NKAIN2: variants seen among roughly 807,000 people sequenced by gnomAD.
The protein encoded by NKAIN2 is sodium/potassium transporting ATPase interacting 2, also known as sodium/potassium-transporting ATPase subunit beta-1-interacting protein 2.
In NKAIN2, 14 loss-of-function variants were observed where a neutral mutation model predicts 32.6. The ratio of observed to expected loss-of-function variants is 0.43; its 90% CI spans 0.28 to 0.67. The LOEUF (loss-of-function observed/expected upper bound fraction) is 0.67, where lower values mean the gene tolerates loss of function less well. NKAIN2 is among the 30% of genes least tolerant of loss of function. The pLI, the probability that NKAIN2 is intolerant of heterozygous loss-of-function variation, is 0.17. For missense variants in NKAIN2, 198 were observed against 258.3 expected (o/e 0.77, Z 1.60); for synonymous variants, 80 against 87.2 (o/e 0.92, Z 0.46).
chr6:124,763,869 C>G (rs1013304182), intron 4 of NKAIN2, among the ~76,000 whole-genome samples: 2 of 152,120 alleles, frequency 1.3e-5, no homozygotes, highest in African/African-American at 4.8e-5. Flanking sequence ...TAACAGTAGT[C>G]TGTATTATAA....
intron 1 of NKAIN2, among the ~76,000 whole-genome samples, chr6:124,065,328 C>T (rs1027231686): frequency 1.2e-4 from 18 of 152,200 alleles, no homozygotes; most frequent in Middle Eastern, 6.8e-3. Flanking sequence ...GTGACATGCA[C>T]GCACTGCAGT....
intron 1 of NKAIN2, among the ~76,000 whole-genome samples, chr6:123,902,798 A>G (rs73551378): frequency 0.022 from 3,363 of 152,328 alleles, 123 homozygotes; most frequent in African/African-American, 0.076. Flanking sequence ...GATAAACAAA[A>G]CCAACTCATC....
intron 4 of NKAIN2, among the ~76,000 whole-genome samples, chr6:124,771,875 T>G (rs1264081162): frequency 2.0e-5 from 3 of 152,138 alleles, no homozygotes; most frequent in Non-Finnish European, 4.4e-5. Flanking sequence ...TTCTCCTTCA[T>G]GCAACAGCAG....
intron 1 of NKAIN2, among the ~76,000 whole-genome samples, chr6:123,930,160 C>G (rs1366509708): frequency 6.6e-6 from 1 of 152,008 alleles, no homozygotes; most frequent in Non-Finnish European, 1.5e-5. Flanking sequence ...AAATCATTCC[C>G]AAGTACCAGC....
intron 3 of NKAIN2, among the ~76,000 whole-genome samples, chr6:124,508,637 C>T (rs1179927762): frequency 1.3e-5 from 2 of 152,138 alleles, no homozygotes; most frequent in African/African-American, 4.8e-5. Context: ...GCCACCACGC[C>T]TGGCCATGAG....
intron 1 of NKAIN2, among the ~76,000 whole-genome samples, chr6:123,994,586 G>T (rs1779542200): frequency 6.6e-6 from 1 of 152,096 alleles, no homozygotes; most frequent in African/African-American, 2.4e-5. Context: ...TAATCTAGTA[G>T]TTACAGTAAC....
intron 3 of NKAIN2, among the ~76,000 whole-genome samples, chr6:124,606,517 T>C (rs1336070233): frequency 6.6e-6 from 1 of 152,076 alleles, no homozygotes; most frequent in African/African-American, 2.4e-5. Flanking sequence ...CATCACAACA[T>C]TTATCTGCAA....
At chr6:124,742,034 A>G (rs1777235995) in intron 4 of NKAIN2, among the ~76,000 whole-genome samples, 1 of 151,932 alleles carries the variant, frequency 6.6e-6, no homozygotes, top group African/African-American at 2.4e-5. Context: ...TACTGCCTCC[A>G]TCAACTCTAT....
chr6:123,936,127 A>G (rs576004775), intron 1 of NKAIN2, among the ~76,000 whole-genome samples: 1 of 152,296 alleles, frequency 6.6e-6, no homozygotes, highest in Admixed American at 6.5e-5. Flanking sequence ...AGCTCAATAC[A>G]GTGTCTCTTC....
intron 1 of NKAIN2, among the ~76,000 whole-genome samples, chr6:123,938,809 G>A (rs569491997): frequency 3.3e-5 from 5 of 151,270 alleles, no homozygotes; most frequent in Non-Finnish European, 7.4e-5. Context: ...TAGGAATTAA[G>A]CAGTATATGT....
At chr6:124,701,169 A>G (rs1337871493) in intron 4 of NKAIN2, among the ~76,000 whole-genome samples, 1 of 151,202 alleles carries the variant, frequency 6.6e-6, no homozygotes, top group Non-Finnish European at 1.5e-5. Flanking sequence ...ACACACACAC[A>G]CACACACACC....
At chr6:124,010,552 T>A (rs965261278) in intron 1 of NKAIN2, among the ~76,000 whole-genome samples, 1 of 150,704 alleles carries the variant, frequency 6.6e-6, no homozygotes, top group African/African-American at 2.4e-5. Flanking sequence ...TGCCCTAATG[T>A]CATAGCTAGG....
intron 1 of NKAIN2, among the ~76,000 whole-genome samples, chr6:124,261,841 T>G (rs1794264448): frequency 6.8e-6 from 1 of 147,414 alleles, no homozygotes; most frequent in African/African-American, 2.6e-5. Context: ...CCAGCCTGGG[T>G]GAAAGAGCAT....
At chr6:124,001,993 T>A (rs1427558325) in intron 1 of NKAIN2, among the ~76,000 whole-genome samples, 1 of 151,974 alleles carries the variant, frequency 6.6e-6, no homozygotes, top group African/African-American at 2.4e-5. Context: ...CAAACATTTA[T>A]TCAATCCCAG....
intron 1 of NKAIN2, among the ~76,000 whole-genome samples, chr6:124,269,202 A>G (rs771473731): frequency 3.3e-5 from 5 of 152,154 alleles, no homozygotes; most frequent in Non-Finnish European, 5.9e-5. Flanking sequence ...ACACTTACCC[A>G]TGGAAAGCCA....
intron 3 of NKAIN2, among the ~76,000 whole-genome samples, chr6:124,589,688 TC>T (rs1197265308): frequency 6.6e-6 from 1 of 152,162 alleles, no homozygotes; most frequent in Admixed American, 6.5e-5. Context: ...TACTTTAAGT[TC>T]TGGGATACAT....
At chr6:124,271,108 T>A (rs1794744798) in intron 1 of NKAIN2, among the ~76,000 whole-genome samples, 1 of 152,166 alleles carries the variant, frequency 6.6e-6, no homozygotes, top group Admixed American at 6.5e-5. Flanking sequence ...TCTTTCTCTC[T>A]CTCTCCTGCC....
chr6:124,467,519 C>T (rs560959734), intron 3 of NKAIN2, among the ~76,000 whole-genome samples: 1 of 152,170 alleles, frequency 6.6e-6, no homozygotes, highest in African/African-American at 2.4e-5. Context: ...ATCCCTACAT[C>T]TCCAAGTTCA....
chr6:124,519,484 A>C (rs996496703), intron 3 of NKAIN2, among the ~76,000 whole-genome samples: 2 of 152,182 alleles, frequency 1.3e-5, no homozygotes, highest in Admixed American at 1.3e-4. Flanking sequence ...TGTACAAGCT[A>C]TGAGTTAAAA....
Sources: gnomAD v4.1 joint callset for allele counts (sites outside exome capture counted in the v4.1 genomes callset) on GRCh38, gnomAD v4.1.1 for gene constraint, MANE v1.5 for transcripts, NCBI Gene and HGNC (gene_info 2026-07-23, HGNC 2026-07-21) for gene names.